C8orf34: variants seen among roughly 807,000 people sequenced by gnomAD.
C8orf34 encodes the protein chromosome 8 open reading frame 34.
C8orf34 carries 65 observed loss-of-function variants against 68.3 expected under a neutral mutation model. The ratio of observed to expected loss-of-function variants is 0.95; its 90% CI spans 0.78 to 1.17. The LOEUF is 1.17. Among genes scored for constraint, C8orf34 ranks in the 50% most tolerant of loss-of-function variants. The probability of loss-of-function intolerance (pLI) is 0.00; values close to 1 mark genes in which losing one functional copy is unlikely to be tolerated. For missense variants in C8orf34, 664 were observed against 655.4 expected, an observed-to-expected ratio of 1.01 and a Z score of -0.14; for synonymous variants, 244 against 241.2, an observed-to-expected ratio of 1.01 and a Z score of -0.11.
chr8:68,816,306 G>A (rs1824817582), intron 13 of C8orf34, among the ~76,000 whole-genome samples: 1 of 152,048 alleles, frequency 6.6e-6, no homozygotes, highest in Non-Finnish European at 1.5e-5. Flanking sequence ...TCTCCCACAT[G>A]CAGGCCATGG....
intron 10 of C8orf34, among the ~76,000 whole-genome samples, chr8:68,744,849 G>A (rs1320365997): frequency 1.3e-5 from 2 of 152,106 alleles, no homozygotes; most frequent in African/African-American, 4.8e-5. Flanking sequence ...ATCTAGCAAG[G>A]CAGGCCAACA....
At chr8:68,441,489 TCTTC>T (rs1446195027) in intron 2 of C8orf34, among the ~76,000 whole-genome samples, 2 of 151,156 alleles carry the variant, frequency 1.3e-5, no homozygotes, top group African/African-American at 2.4e-5. Context: ...TCATCTTCCT[TCTTC>T]CTTCTTTCTT....
At chr8:68,462,776 G>A (rs1191068797) in intron 3 of C8orf34, among the ~76,000 whole-genome samples, 1 of 151,688 alleles carries the variant, frequency 6.6e-6, no homozygotes, top group Non-Finnish European at 1.5e-5. Context: ...AGAATCTCTG[G>A]GACACATTCA....
intron 3 of C8orf34, among the ~76,000 whole-genome samples, chr8:68,451,478 T>A (rs1811342905): frequency 6.6e-6 from 1 of 152,138 alleles, no homozygotes; most frequent in Admixed American, 6.6e-5. Context: ...TGCAGAGACC[T>A]GCAACTCTTC....
At chr8:68,700,407 G>A (rs1305769938) in intron 8 of C8orf34, among the ~76,000 whole-genome samples, 4 of 152,068 alleles carry the variant, frequency 2.6e-5, no homozygotes, top group Admixed American at 2.0e-4. Flanking sequence ...AAATGGGTTC[G>A]GCAAAGAGAA....
At chr8:68,629,559 A>G (rs1818629539) in intron 7 of C8orf34, among the ~76,000 whole-genome samples, 1 of 152,196 alleles carries the variant, frequency 6.6e-6, no homozygotes, top group Admixed American at 6.5e-5. Flanking sequence ...ATCCTATGTA[A>G]AGAATAATTT....
intron 7 of C8orf34, among the ~76,000 whole-genome samples, chr8:68,622,719 T>A (rs886391043): frequency 1.3e-5 from 2 of 152,036 alleles, no homozygotes; most frequent in Non-Finnish European, 1.5e-5. Flanking sequence ...GGACTGGAGA[T>A]GAAACTGAAG....
intron 10 of C8orf34, among the ~76,000 whole-genome samples, chr8:68,760,104 C>T (rs1822980687): frequency 6.6e-6 from 1 of 152,064 alleles, no homozygotes; most frequent in Non-Finnish European, 1.5e-5. Flanking sequence ...AGAAGTTGGC[C>T]TGTGGCTTGA....
intron 1 of C8orf34, among the ~76,000 whole-genome samples, chr8:68,380,338 G>T (rs1285864165): frequency 2.0e-5 from 3 of 152,222 alleles, no homozygotes; most frequent in Non-Finnish European, 4.4e-5. Flanking sequence ...AAGAGAAACT[G>T]AGTTCAGCCA....
chr8:68,599,778 G>A (rs1184278130), intron 7 of C8orf34, among the ~76,000 whole-genome samples: 1 of 151,846 alleles, frequency 6.6e-6, no homozygotes, highest in African/African-American at 2.4e-5. Context: ...GTAAAAAACT[G>A]GAAAGTTGAA....
chr8:68,459,616 T>C (rs1160946598), intron 3 of C8orf34, among the ~76,000 whole-genome samples: 2 of 152,162 alleles, frequency 1.3e-5, no homozygotes, highest in Non-Finnish European at 2.9e-5. Flanking sequence ...CTCAAAAAAC[T>C]TAAAATAGAA....
chr8:68,358,197 A>G (rs567409059), intron 1 of C8orf34, among the ~76,000 whole-genome samples: 50 of 152,228 alleles, frequency 3.3e-4, no homozygotes, highest in African/African-American at 1.2e-3. Flanking sequence ...TCCATGCTAT[A>G]ACTGGCTTTC....
intron 7 of C8orf34, among the ~76,000 whole-genome samples, chr8:68,543,094 C>A (rs1815753876): frequency 6.6e-6 from 1 of 152,014 alleles, no homozygotes; most frequent in South Asian, 2.1e-4. Context: ...GTTTCAGGAT[C>A]TTAATATTCT....
At chr8:68,804,543 G>C (rs919112363) in intron 12 of C8orf34, among the ~76,000 whole-genome samples, 1 of 152,108 alleles carries the variant, frequency 6.6e-6, no homozygotes, top group Admixed American at 6.6e-5. Flanking sequence ...TCAATTGAGA[G>C]GCCAAGGCAG....
chr8:68,372,286 G>T (rs998823966), intron 1 of C8orf34, among the ~76,000 whole-genome samples: 4 of 152,108 alleles, frequency 2.6e-5, no homozygotes, highest in Non-Finnish European at 4.4e-5. Context: ...GGGAAAAACT[G>T]GGATAACATG....
chr8:68,412,574 G>A (rs924477771), intron 1 of C8orf34, among the ~76,000 whole-genome samples: 16 of 152,006 alleles, frequency 1.1e-4, no homozygotes, highest in African/African-American at 3.1e-4. Context: ...CTCTTCACCC[G>A]CTAATACTAC....
intron 1 of C8orf34, among the ~76,000 whole-genome samples, chr8:68,369,941 C>T (rs2129619737): frequency 6.6e-6 from 1 of 152,314 alleles, no homozygotes; most frequent in Middle Eastern, 3.4e-3. Context: ...GGACCCCTCT[C>T]ACGCAGGGAA....
At chr8:68,743,414 C>T (rs550482034) in intron 10 of C8orf34, among the ~76,000 whole-genome samples, 27 of 152,282 alleles carry the variant, frequency 1.8e-4, no homozygotes, top group South Asian at 6.2e-4. Flanking sequence ...GCATGAGCGA[C>T]GCAGAAGACG....
intron 7 of C8orf34, among the ~76,000 whole-genome samples, chr8:68,629,081 A>T (rs1286744979): frequency 6.6e-6 from 1 of 152,120 alleles, no homozygotes; most frequent in African/African-American, 2.4e-5. Context: ...TAAATATAAC[A>T]TTCATATAAT....
Sources: allele counts gnomAD v4.1 joint callset (sites outside exome capture counted in the v4.1 genomes callset), GRCh38; gene constraint gnomAD v4.1.1; transcripts MANE v1.5; gene names NCBI Gene and HGNC (gene_info 2026-07-23, HGNC 2026-07-21).